CAMK2D: variants seen among roughly 807,000 people sequenced by gnomAD.
CAMK2D encodes calcium/calmodulin-dependent protein kinase type II subunit delta.
Under a neutral mutation model 84.0 loss-of-function variants are expected in CAMK2D, and 37 were observed. The ratio of observed to expected loss-of-function variants is 0.44; its 90% confidence interval spans 0.34 to 0.58. CAMK2D has a LOEUF of 0.58. Among genes scored for constraint, CAMK2D ranks in the 20% least tolerant of loss-of-function variants. CAMK2D has a pLI of 0.02. For missense variants in CAMK2D, 448 were observed against 652.5 expected, an observed-to-expected ratio of 0.69 and a Z score of 3.41; for synonymous variants, 202 against 212.5, an observed-to-expected ratio of 0.95 and a Z score of 0.43.
At chr4:113,647,097 A>C (rs554596330) in intron 3 of CAMK2D, among the ~76,000 whole-genome samples, 1 of 152,332 alleles carries the variant, frequency 6.6e-6, no homozygotes, top group Admixed American at 6.5e-5. Context: ...TGGGGAAAAG[A>C]CCCGTCAAAA....
chr4:113,654,195 T>G (rs1404920263), intron 3 of CAMK2D, among the ~76,000 whole-genome samples: 1 of 152,022 alleles, frequency 6.6e-6, no homozygotes, highest in African/African-American at 2.4e-5. Flanking sequence ...ATTTGTAGAA[T>G]CTAGGTTGGT....
intron 4 of CAMK2D, among the ~76,000 whole-genome samples, chr4:113,554,543 G>A (rs938181555): frequency 2.0e-5 from 3 of 151,916 alleles, no homozygotes; most frequent in Non-Finnish European, 4.4e-5. Flanking sequence ...GTATTCATTC[G>A]TCCCATTATT....
At chr4:113,688,636 G>A (rs543166712) in intron 2 of CAMK2D, among the ~76,000 whole-genome samples, 8 of 152,032 alleles carry the variant, frequency 5.3e-5, no homozygotes, top group African/African-American at 1.7e-4. Flanking sequence ...AGTTCCTATT[G>A]CCCCAACTGA....
intron 2 of CAMK2D, chr4:113,754,271 G>A: frequency 1.0e-6 from 1 of 976,542 alleles, no homozygotes; most frequent in Non-Finnish European, 1.2e-6. Flanking sequence ...GGGGAAGACT[G>A]ATGTTAAAAA....
intron 4 of CAMK2D, among the ~76,000 whole-genome samples, chr4:113,598,333 TA>T (rs78626119): frequency 0.042 from 6,260 of 150,810 alleles, 358 homozygotes; most frequent in East Asian, 0.19. Context: ...AAACTCACAT[TA>T]AAAAAAAATG....
chr4:113,605,149 G>A (rs1039966749), intron 4 of CAMK2D, among the ~76,000 whole-genome samples: 1 of 152,214 alleles, frequency 6.6e-6, no homozygotes, highest in African/African-American at 2.4e-5. Context: ...ACTCATCACA[G>A]AAGACAGGGA....
In CAMK2D at chr4:113,513,386, G is replaced by C; in HGVS notation, c.904-16C>G. On this transcript the variant is annotated splice_polypyrimidine_tract_variant and intron_variant, in intron 11 of 20. Transcript: ENST00000511664. ...AGATGGCACCCTGTGAAAAAAATTA[G>C]AACACAAAAGTCAGTGTTGCCTATG... 1.3e-6 allele frequency: 2 copies of C among 1,572,480 alleles called. No individual in the cohort carries two copies. The highest frequency in any genetic ancestry group is 1.8e-6 in the Non-Finnish European group (2 of 1,142,306).
At chr4:113,623,790 G>A (rs1254001937) in intron 3 of CAMK2D, among the ~76,000 whole-genome samples, 1 of 151,876 alleles carries the variant, frequency 6.6e-6, no homozygotes, top group African/African-American at 2.4e-5. Flanking sequence ...AATATATCAT[G>A]TTATATGAAT....
At chr4:113,603,572 C>T (rs1278970668) in intron 4 of CAMK2D, among the ~76,000 whole-genome samples, 1 of 150,966 alleles carries the variant, frequency 6.6e-6, no homozygotes, top group African/African-American at 2.4e-5. Flanking sequence ...GATGACTTTG[C>T]TTTCATAAAA....
In CAMK2D at chr4:113,521,619, A is replaced by G. The variant is rs74509124; in HGVS notation, c.602-3962T>C. Among the ~76,000 whole-genome samples the G allele has an allele frequency of 6.1e-3, 933 of 152,330 alleles. 6 individuals carry two copies. The highest frequency in any genetic ancestry group is 0.022 in the African/African-American group (900 of 41,580). ...GAAGAGAGAATGGAGCAAAAATTAC[A>G]AATTAAGAATGACTAAGAGACCTAA... On this transcript the variant is annotated intron_variant, in intron 8 of 20. Transcript: ENST00000511664.
At chr4:113,714,917 A>C (rs888257770) in intron 2 of CAMK2D, among the ~76,000 whole-genome samples, 1 of 152,146 alleles carries the variant, frequency 6.6e-6, no homozygotes, top group Non-Finnish European at 1.5e-5. Flanking sequence ...AGTTATATGA[A>C]AACCCTTATG....
At chr4:113,616,428 A>G (rs2099021447) in intron 3 of CAMK2D, among the ~76,000 whole-genome samples, 1 of 152,198 alleles carries the variant, frequency 6.6e-6, no homozygotes, top group African/African-American at 2.4e-5. Flanking sequence ...TATCTACAGG[A>G]TCAGATTAGT....
At chr4:113,682,067 G>A (rs1453519414) in intron 2 of CAMK2D, among the ~76,000 whole-genome samples, 1 of 152,110 alleles carries the variant, frequency 6.6e-6, no homozygotes, top group Non-Finnish European at 1.5e-5. Flanking sequence ...TGGGGAAATT[G>A]CTAAGCTTAA....
At chr4:113,724,588 A>C (rs1325532558) in intron 2 of CAMK2D, among the ~76,000 whole-genome samples, 3 of 151,698 alleles carry the variant, frequency 2.0e-5, no homozygotes, top group Non-Finnish European at 4.4e-5. Flanking sequence ...AAGCCTCCCA[A>C]TCTCTTGGAT....
intron 16 of CAMK2D, among the ~76,000 whole-genome samples, chr4:113,477,066 G>T (rs1047438122): frequency 6.6e-6 from 1 of 152,090 alleles, no homozygotes; most frequent in Non-Finnish European, 1.5e-5. Context: ...TTCCTGCTTG[G>T]ATGCCCTGCA....
At chr4:113,472,240 T>C (rs2097555707) in intron 16 of CAMK2D, among the ~76,000 whole-genome samples, 1 of 152,226 alleles carries the variant, frequency 6.6e-6, no homozygotes, top group Admixed American at 6.5e-5. Flanking sequence ...TATGAATAAA[T>C]ATCAGTATAT....
At chr4:113,610,842 T>C (rs2098997046) in intron 3 of CAMK2D, among the ~76,000 whole-genome samples, 1 of 152,138 alleles carries the variant, frequency 6.6e-6, no homozygotes, top group South Asian at 2.1e-4. Context: ...ATTTACTACC[T>C]TTAATACCTT....
chr4:113,619,021 T>A (rs2099033674), intron 3 of CAMK2D, among the ~76,000 whole-genome samples: 1 of 152,196 alleles, frequency 6.6e-6, no homozygotes, highest in South Asian at 2.1e-4. Context: ...GTGCATTTGC[T>A]TGTTTCACTT....
chr4:113,595,433 T>C (rs1013331230), intron 4 of CAMK2D, among the ~76,000 whole-genome samples: 1 of 122,008 alleles, frequency 8.2e-6, no homozygotes, highest in South Asian at 2.6e-4. Context: ...TATTCAATTA[T>C]GTATGCTTGT....
Sources: allele counts gnomAD v4.1 joint callset (sites outside exome capture counted in the v4.1 genomes callset), GRCh38; gene constraint gnomAD v4.1.1; transcripts MANE v1.5; gene names NCBI Gene and HGNC (gene_info 2026-07-23, HGNC 2026-07-21).